RALGAPA2: variants seen among roughly 807,000 people sequenced by gnomAD.
The protein encoded by RALGAPA2 is Ral GTPase activating protein catalytic subunit alpha 2.
Under a neutral mutation model 230.4 loss-of-function variants are expected in RALGAPA2, and 139 were observed. That is an observed-to-expected ratio of 0.60 (90% confidence interval 0.53 to 0.69). The LOEUF (loss-of-function observed/expected upper bound fraction) is 0.69, where lower values mean the gene tolerates loss of function less well. RALGAPA2 is among the 30% of genes least tolerant of loss of function. RALGAPA2 has a pLI of 0.00. For missense variants in RALGAPA2, 2,163 were observed against 2,276.0 expected (o/e 0.95, Z 1.01); for synonymous variants, 847 against 837.8 (o/e 1.01, Z -0.19).
intron 38 of RALGAPA2, among the ~76,000 whole-genome samples, chr20:20,399,191 C>CA (rs1464301957): frequency 6.6e-6 from 1 of 151,654 alleles, no homozygotes; most frequent in African/African-American, 2.4e-5. Context: ...CTAAAAATAC[C>CA]AAAAAATCAG....
chr20:20,691,057 C>T (rs117141041), intron 1 of RALGAPA2, among the ~76,000 whole-genome samples: 2 of 152,190 alleles, frequency 1.3e-5, no homozygotes, highest in South Asian at 4.1e-4. Context: ...GCCGCCCACA[C>T]CCACAGCCAG....
At chr20:20,491,160 A>C (rs1179724792) in intron 36 of RALGAPA2, among the ~76,000 whole-genome samples, 1 of 152,176 alleles carries the variant, frequency 6.6e-6, no homozygotes, top group Non-Finnish European at 1.5e-5. Context: ...TGGTAGGCTT[A>C]GAACTGGAAC....
rs756930824 is a variant in RALGAPA2, at chr20:20,712,337, C to A, written c.106+38G>T. 7.0e-7 allele frequency: 1 copy of A among 1,426,148 alleles called. No homozygotes were observed. Among genetic ancestry groups the A allele is most frequent in the South Asian group, 1.2e-5 (1 of 82,474 alleles). The allele number at this position is 1,426,148 out of a possible 1,614,324, so 88.3% of individuals were successfully genotyped here. On this transcript the variant is annotated intron_variant, in intron 1 of 39. Transcript: ENST00000202677. This position sits in a 1 kb window ranked among gnomAD's most constrained non-coding sequence, Gnocchi z 5.5. ...GCGCCCTCCCGGCAGGTGCCCCTAA[C>A]CCGGCGCCCCGACCCCCGCGCCCGG...
At chr20:20,617,999 T>A (rs1568656506) in intron 12 of RALGAPA2, among the ~76,000 whole-genome samples, 1 of 152,184 alleles carries the variant, frequency 6.6e-6, no homozygotes, top group African/African-American at 2.4e-5. Context: ...TTGTTGGAAA[T>A]GATGACTTTA....
In RALGAPA2 at chr20:20,393,267, AGAG is replaced by A. The variant is rs766315357; in HGVS notation, c.*36-17_*36-15del. ...AGGCCAGGGCCCCTGCAAAGGAAGC[AGAG>A]AACTGCTAAGTCATGGAGGCAACGG... is the stretch of plus-strand genomic sequence containing the variant. On this transcript the variant is annotated splice_polypyrimidine_tract_variant and intron_variant, in intron 39 of 39. Coordinates refer to ENST00000202677, the MANE Select transcript of RALGAPA2 (RefSeq NM_020343.4). 3.8e-6 allele frequency: 5 copies of A among 1,332,950 alleles called. No homozygotes were observed. The highest frequency in any genetic ancestry group is 4.0e-6 in the Non-Finnish European group (4 of 1,005,636). The allele number at this position is 1,332,950 out of a possible 1,614,324, so 82.6% of individuals were successfully genotyped here.
intron 26 of RALGAPA2, among the ~76,000 whole-genome samples, chr20:20,533,995 T>C (rs534736944): frequency 6.6e-6 from 1 of 151,860 alleles, no homozygotes; most frequent in East Asian, 1.9e-4. Context: ...AAAGCAAATA[T>C]AAAATAGAGA....
At chr20:20,468,005 A>G (rs1381654438) in intron 37 of RALGAPA2, among the ~76,000 whole-genome samples, 1 of 152,182 alleles carries the variant, frequency 6.6e-6, no homozygotes, top group African/African-American at 2.4e-5. Flanking sequence ...CAGGTCTACC[A>G]ACATTTTTTT....
chr20:20,495,482 A>G (rs1358035473), intron 35 of RALGAPA2, among the ~76,000 whole-genome samples: 1 of 152,266 alleles, frequency 6.6e-6, no homozygotes, highest in East Asian at 1.9e-4. Flanking sequence ...TGGTACCAAG[A>G]TAAGGCATGC....
chr20:20,629,831 G>A (rs894605091), intron 9 of RALGAPA2, among the ~76,000 whole-genome samples: 8 of 152,296 alleles, frequency 5.3e-5, no homozygotes, highest in African/African-American at 1.9e-4. Context: ...AGCTATTTCA[G>A]AAAGGAGGGC....
chr20:20,554,270 A>G (rs2064015565), intron 23 of RALGAPA2, among the ~76,000 whole-genome samples: 1 of 152,180 alleles, frequency 6.6e-6, no homozygotes, highest in African/African-American at 2.4e-5. Flanking sequence ...CATTTTGTGT[A>G]TGGTTTCTTT....
intron 18 of RALGAPA2, 72 bp from the exon 19 acceptor site, chr20:20,585,027 C>T: frequency 1.1e-6 from 1 of 893,430 alleles, no homozygotes; most frequent in Non-Finnish European, 1.7e-6. Context: ...GTTTCTAGCC[C>T]AAATTTCTAA....
At chr20:20,581,604 T>A (rs569397228) in intron 20 of RALGAPA2, among the ~76,000 whole-genome samples, 1 of 152,148 alleles carries the variant, frequency 6.6e-6, no homozygotes, top group Non-Finnish European at 1.5e-5. Flanking sequence ...CTGCTTCCCA[T>A]ACAGAATCAA....
chr20:20,649,768 C>T (rs1603197018), intron 4 of RALGAPA2, among the ~76,000 whole-genome samples: 1 of 152,160 alleles, frequency 6.6e-6, no homozygotes, highest in South Asian at 2.1e-4. Flanking sequence ...TTAAAGTCAA[C>T]ACACATATAA....
chr20:20,491,629 A>C (rs2062061144), intron 36 of RALGAPA2, among the ~76,000 whole-genome samples: 1 of 152,148 alleles, frequency 6.6e-6, no homozygotes, highest in African/African-American at 2.4e-5. Flanking sequence ...CATTTTAACA[A>C]ACCCCTTGAA....
intron 37 of RALGAPA2, among the ~76,000 whole-genome samples, chr20:20,425,678 G>A (rs151330828): frequency 1.6e-4 from 24 of 152,304 alleles, no homozygotes; most frequent in Non-Finnish European, 3.4e-4. Flanking sequence ...TGCTTGAGTG[G>A]TACGCTGGGT....
chr20:20,601,685 T>C lies in RALGAPA2; in HGVS notation c.2200A>G (p.Thr734Ala). The change falls in exon 16 of 40, where the codon ACT becomes GCT. Residue 734 changes from threonine to alanine, a missense_variant. Transcript: ENST00000202677. ...AAGCATTTAAATAAATGTTTACCAGTTGCTTTTTGGCGAACAATATTTCTT... is the reference window on the plus strand; with the variant it reads ...AAGCATTTAAATAAATGTTTACCAGCTGCTTTTTGGCGAACAATATTTCTT... ...KARNIVRQKA[T>A]EVEECQQSEN... 6.2e-7 allele frequency: 1 copy of C among 1,610,150 alleles called. No homozygotes were observed. The highest frequency in any genetic ancestry group is 8.5e-7 in the Non-Finnish European group (1 of 1,178,712).
intron 3 of RALGAPA2, among the ~76,000 whole-genome samples, chr20:20,662,918 C>A (rs949867683): frequency 1.3e-5 from 2 of 152,142 alleles, no homozygotes; most frequent in African/African-American, 4.8e-5. Flanking sequence ...GACCAAACAG[C>A]AGCAAAAAAT....
intron 23 of RALGAPA2, among the ~76,000 whole-genome samples, chr20:20,557,023 T>G (rs1358831981): frequency 6.6e-6 from 1 of 151,946 alleles, no homozygotes; most frequent in Non-Finnish European, 1.5e-5. Flanking sequence ...GATAAAAGGA[T>G]GGGCGGCCGA....
chr20:20,506,182 G>A (rs1171512808), intron 33 of RALGAPA2, among the ~76,000 whole-genome samples: 2 of 151,970 alleles, frequency 1.3e-5, no homozygotes, highest in Non-Finnish European at 2.9e-5. Flanking sequence ...ACCCCTTTTA[G>A]CCATATAAAC....
Sources: allele counts gnomAD v4.1 joint callset (sites outside exome capture counted in the v4.1 genomes callset), GRCh38; gene constraint gnomAD v4.1.1; non-coding constraint Gnocchi (gnomAD v3.1); transcripts MANE v1.5; gene names NCBI Gene and HGNC (gene_info 2026-07-23, HGNC 2026-07-21).